The following ATF7IP variants were observed in gnomAD, a reference collection of about 807,000 sequenced individuals.
The protein encoded by ATF7IP is activating transcription factor 7-interacting protein 1.
A neutral mutation model predicts 106.4 loss-of-function variants in ATF7IP; 23 were observed. The observed-to-expected ratio is 0.22, with a 90% CI of 0.16 to 0.31. The LOEUF (loss-of-function observed/expected upper bound fraction) is 0.31. ATF7IP is among the 10% of genes least tolerant of loss of function. The pLI, the probability that ATF7IP is intolerant of heterozygous loss-of-function variation, is 1.00. For synonymous variants in ATF7IP, 542 were observed against 539.0 expected, an observed-to-expected ratio of 1.01 and a Z score of -0.08; for missense variants, 1,334 against 1,524.3, an observed-to-expected ratio of 0.88 and a Z score of 2.08.
chr12:14,400,211 T>A (rs1940114137), intron 1 of ATF7IP, among the ~76,000 whole-genome samples: 1 of 152,250 alleles, frequency 6.6e-6, no homozygotes, highest in Non-Finnish European at 1.5e-5. Context: ...TTTAACTAGT[T>A]TGACATTTAT....
At chr12:14,379,577 C>T (rs1938916463) in intron 1 of ATF7IP, among the ~76,000 whole-genome samples, 1 of 152,122 alleles carries the variant, frequency 6.6e-6, no homozygotes, top group South Asian at 2.1e-4. Context: ...GAAAGCTACA[C>T]ATTCTCTAGT....
At position 14,457,215 on chromosome 12, in the gene ATF7IP, G is replaced by C. The variant is rs759840110; in HGVS notation, c.2078G>C (p.Gly693Ala). ...GTATATGTATTTCATAGAAATGCAG[G>C]CACAGTGAGACAGATGCTGGAGTCC... Reference protein sequence around the residue: ...SNNNMSYRNAGTVRQMLESKR... With the variant: ...SNNNMSYRNAATVRQMLESKR... Residue 693 changes from glycine to alanine, a missense_variant, in exon 8 of 15, where the codon GGC (glycine) becomes GCC (alanine). By Grantham distance (60) the Gly-to-Ala change is moderately conservative. Around this residue, in one of 10 missense-constraint regions of ATF7IP, gnomAD observed 171 missense variants for 172.6 expected, o/e 0.99. Coordinates refer to ENST00000261168, the MANE Select transcript of ATF7IP (RefSeq NM_018179.5). The C allele has an allele frequency of 3.1e-6, 5 of 1,612,606 alleles. No homozygotes were observed. The highest frequency in any genetic ancestry group is 4.2e-6 in the Non-Finnish European group (5 of 1,179,062).
At chr12:14,421,633 T>C (rs2136538926) in intron 1 of ATF7IP, among the ~76,000 whole-genome samples, 1 of 152,306 alleles carries the variant, frequency 6.6e-6, no homozygotes, top group Non-Finnish European at 1.5e-5. Flanking sequence ...TTACCTTGAT[T>C]ACCACTGTAA....
chr12:14,385,234 G>T (rs1326618464), intron 1 of ATF7IP: 2 of 578,688 alleles, frequency 3.5e-6, no homozygotes, highest in African/African-American at 3.8e-5. Flanking sequence ...ACATAGCTGA[G>T]TTTTCACTGT....
At chr12:14,486,083 G>C (rs190240672) in intron 13 of ATF7IP, among the ~76,000 whole-genome samples, 8 of 152,290 alleles carry the variant, frequency 5.3e-5, no homozygotes, top group Non-Finnish European at 1.0e-4. Flanking sequence ...AGGAGCCAAT[G>C]TGGTGGTTCT....
At chr12:14,448,255 C>A (rs1943062067) in intron 6 of ATF7IP, among the ~76,000 whole-genome samples, 2 of 152,146 alleles carry the variant, frequency 1.3e-5, no homozygotes, top group South Asian at 4.1e-4. Flanking sequence ...ATGAACTCTT[C>A]CCCTAGCTTC....
Position 14,457,196 on chromosome 12 carries a change from G to A in ATF7IP, c.2070-11G>A. The A allele has an allele frequency of 6.2e-7, 1 of 1,604,244 alleles. No homozygotes were observed. The highest frequency in any genetic ancestry group is 8.5e-7 in the Non-Finnish European group (1 of 1,171,734). The stretch of plus-strand genomic sequence containing the variant: ...ATCTATTGACTATTGGTGTGTATAT[G>A]TATTTCATAGAAATGCAGGCACAGT... On this transcript the variant is annotated splice_polypyrimidine_tract_variant and intron_variant, in intron 7 of 14. Coordinates refer to ENST00000261168, the MANE Select transcript of ATF7IP (RefSeq NM_018179.5).
At chr12:14,399,813 CT>C (rs1455611538) in intron 1 of ATF7IP, among the ~76,000 whole-genome samples, 2 of 151,954 alleles carry the variant, frequency 1.3e-5, no homozygotes, top group Non-Finnish European at 2.9e-5. Context: ...GGCACCTGAC[CT>C]TTTGTTTGAA....
chr12:14,447,927 G>T (rs1300181934), intron 6 of ATF7IP, among the ~76,000 whole-genome samples: 1 of 151,904 alleles, frequency 6.6e-6, no homozygotes, highest in African/African-American at 2.4e-5. Flanking sequence ...TTGCTTGTTG[G>T]TGTTTCCTTC....
chr12:14,385,397 A>T, intron 1 of ATF7IP: 1 of 1,534,030 alleles, frequency 6.5e-7, no homozygotes, highest in East Asian at 2.4e-5. Context: ...CATCAGGACC[A>T]GAGGTAAGAA....
chr12:14,457,337 T>G, intron 8 of ATF7IP, 42 bp downstream of exon 8: 1 of 1,380,394 alleles, frequency 7.2e-7, no homozygotes, highest in Non-Finnish European at 1.0e-6. Flanking sequence ...TTCTTAGGAA[T>G]TAAAGGCTTT....
intron 1 of ATF7IP, among the ~76,000 whole-genome samples, chr12:14,375,388 T>C (rs987345426): frequency 1.3e-5 from 2 of 152,240 alleles, no homozygotes; most frequent in Admixed American, 6.5e-5. Flanking sequence ...AAAAAGTTTC[T>C]AAAATATGAC....
At chr12:14,440,230 C>T (rs1942631395) in intron 5 of ATF7IP, among the ~76,000 whole-genome samples, 1 of 152,132 alleles carries the variant, frequency 6.6e-6, no homozygotes, top group Admixed American at 6.5e-5. Context: ...ATTAGGCCAT[C>T]ATTACCCAAT....
rs952606301 is a variant in ATF7IP at position 14,419,088 on chromosome 12, A to T, written c.-7-4821A>T. Reference sequence around the variant, plus strand: ...ATATATAGATGGTGATGGTTATACCATTTATTGAGTTCTTACTACATTCCA... The same window carrying T: ...ATATATAGATGGTGATGGTTATACCTTTTATTGAGTTCTTACTACATTCCA... On this transcript the variant is annotated intron_variant, in intron 1 of 14. Transcript: ENST00000261168. 1.1e-4 allele frequency: 16 copies of T among 152,272 alleles called. 1 individual carries two copies. Among genetic ancestry groups the T allele is most frequent in the Admixed American group, 2.6e-4 (4 of 15,296 alleles). 9.4% of individuals were successfully genotyped at this position (152,272 alleles called of 1,614,324 possible). A position where few individuals can be genotyped will look rare whatever the true frequency, so the allele number is the denominator to read the frequency against.
intron 1 of ATF7IP, among the ~76,000 whole-genome samples, chr12:14,374,114 T>G (rs1648369213): frequency 6.6e-6 from 1 of 151,250 alleles, no homozygotes; most frequent in African/African-American, 2.4e-5. Flanking sequence ...TTTTTTTAAT[T>G]GAGACTAGGG....
In ATF7IP at chr12:14,434,374, GGAA is replaced by G; in HGVS notation, c.1602_1604del (p.Glu535del). 1 of 1,594,136 alleles carries G rather than the reference GGAA, an allele frequency of 6.3e-7. No individual in the cohort carries two copies. The highest frequency in any genetic ancestry group is 1.3e-5 in the African/African-American group (1 of 74,604). ...GTAATGAAAAGGACAACAAACCTGA[GGAA>G]GAAGAGCAAGTAATACATGAAGATG... On this transcript the variant is annotated inframe_deletion, in exon 3 of 15. Transcript: ENST00000261168.
At chr12:14,461,514 G>T (rs914692830) in intron 9 of ATF7IP, among the ~76,000 whole-genome samples, 2 of 152,060 alleles carry the variant, frequency 1.3e-5, no homozygotes, top group African/African-American at 4.8e-5. Flanking sequence ...AAAAAGACAC[G>T]TTTATGTTCC....
At chr12:14,387,915 A>G (rs1320329107) in intron 1 of ATF7IP, among the ~76,000 whole-genome samples, 1 of 152,144 alleles carries the variant, frequency 6.6e-6, no homozygotes, top group East Asian at 1.9e-4. Flanking sequence ...GGGTGGTGGC[A>G]CTGGCCAAGG....
rs189169275 is a variant in ATF7IP at position 14,472,002 on chromosome 12, C to G, written c.2863-3888C>G. 5.9e-5 allele frequency among the ~76,000 whole-genome samples: 9 copies of G among 152,146 alleles called. No homozygotes were observed. The East Asian group carries it at 7.7e-4, about 13-fold the overall frequency. ...GATCTAACAATTGAATGTTTAAAACCAATATTCCATGTATATTGTATTAAA... is the reference window on the plus strand; with the variant it reads ...GATCTAACAATTGAATGTTTAAAACGAATATTCCATGTATATTGTATTAAA... On this transcript the variant is annotated intron_variant, in intron 10 of 14. Coordinates refer to ENST00000261168, the MANE Select transcript of ATF7IP (RefSeq NM_018179.5).
Sources: gnomAD v4.1 joint callset for allele counts (sites outside exome capture counted in the v4.1 genomes callset) on GRCh38, gnomAD v4.1.1 for gene constraint, gnomAD v4.1.1 regional missense constraint, MANE v1.5 for transcripts, NCBI Gene and HGNC (gene_info 2026-07-23, HGNC 2026-07-21) for gene names.